The following HPSE2 variants were observed in gnomAD, a reference collection of about 807,000 sequenced individuals.
HPSE2 encodes inactive heparanase-2.
HPSE2 carries 38 observed loss-of-function variants against 60.5 expected under a neutral mutation model. The ratio of observed to expected loss-of-function variants is 0.63; its 90% confidence interval spans 0.48 to 0.82. The LOEUF is 0.82. Ranked by LOEUF, HPSE2 falls within the 40% of genes least tolerant of loss-of-function variation. The probability of loss-of-function intolerance (pLI) is 0.00; values close to 1 mark genes in which losing one functional copy is unlikely to be tolerated. For missense variants in HPSE2, 713 were observed against 740.4 expected, an observed-to-expected ratio of 0.96 and a Z score of 0.43; for synonymous variants, 295 against 293.2, an observed-to-expected ratio of 1.01 and a Z score of -0.06.
At chr10:99,006,771 G>A (rs941084450) in intron 3 of HPSE2, among the ~76,000 whole-genome samples, 6 of 152,222 alleles carry the variant, frequency 3.9e-5, no homozygotes, top group Non-Finnish European at 8.8e-5. Context: ...CCAGCTCAGT[G>A]CTGGTACCAG....
At chr10:99,138,303 T>TGGTTGAAC (rs1018617948) in intron 3 of HPSE2, among the ~76,000 whole-genome samples, 1 of 152,116 alleles carries the variant, frequency 6.6e-6, no homozygotes, top group African/African-American at 2.4e-5. Flanking sequence ...GGAGTGTAAA[T>TGGTTGAAC]TAGTTCAACC....
In HPSE2 at chr10:98,694,589, C is replaced by T. The variant is rs1014919694; in HGVS notation, c.957-642G>A. On this transcript the variant is annotated intron_variant, in intron 5 of 11. Coordinates refer to ENST00000370552, the MANE Select transcript of HPSE2 (RefSeq NM_021828.5). ...TCAAAAGGTAAACCAGACTTGGTTC[C>T]GTGCAGTTAAGCACACATCAAAGCC... Among the ~76,000 whole-genome samples, 8 of 152,124 alleles carry T rather than the reference C, an allele frequency of 5.3e-5. No individual in the cohort carries two copies. In the East Asian group the frequency reaches 1.3e-3, roughly 26 times the overall value.
chr10:99,159,503 ATGAT>A (rs1161496618), intron 2 of HPSE2, among the ~76,000 whole-genome samples: 1 of 152,226 alleles, frequency 6.6e-6, no homozygotes, highest in Non-Finnish European at 1.5e-5. Flanking sequence ...CATAGAAGAA[ATGAT>A]TGTATGTAAA....
chr10:98,543,919 A>G lies in HPSE2; in HGVS notation c.1321-53723T>C, dbSNP rs1434422631. On this transcript the variant is annotated intron_variant, in intron 9 of 11. Coordinates refer to ENST00000370552, the MANE Select transcript of HPSE2 (RefSeq NM_021828.5). Reference sequence around the variant, plus strand: ...CCCACTGTCAACATTAGACAGATCAACAAAGACAGAAAGTTAACAAGGATA... The same window carrying G: ...CCCACTGTCAACATTAGACAGATCAGCAAAGACAGAAAGTTAACAAGGATA... Among the ~76,000 whole-genome samples the G allele has an allele frequency of 2.6e-5, 4 of 151,700 alleles. No individual in the cohort carries two copies. The East Asian group carries it at 5.8e-4, about 22-fold the overall frequency.
rs371230421 is a variant in HPSE2 at position 99,076,159 on chromosome 10, AT to A, written c.610+68078del. On this transcript the variant is annotated intron_variant, in intron 3 of 11. Transcript: ENST00000370552. ...TGCTGTCTTCCCTTGTTTTTCATTGATTTTTTTTTGTATTGATATACTTTGG... is the reference window on the plus strand; with the variant it reads ...TGCTGTCTTCCCTTGTTTTTCATTGATTTTTTTTGTATTGATATACTTTGG... 1.9e-4 allele frequency among the ~76,000 whole-genome samples: 27 copies of A among 145,282 alleles called. No individual in the cohort carries two copies. The South Asian group carries it at 2.2e-3, about 12-fold the overall frequency.
intron 3 of HPSE2, among the ~76,000 whole-genome samples, chr10:98,879,045 A>C (rs1952949129): frequency 6.6e-6 from 1 of 152,072 alleles, no homozygotes; most frequent in Admixed American, 6.6e-5. Context: ...AAGAAGGAGC[A>C]TATTGGGAGG....
chr10:98,763,132 C>T (rs1950043630), intron 3 of HPSE2, among the ~76,000 whole-genome samples: 1 of 150,572 alleles, frequency 6.6e-6, no homozygotes, highest in Non-Finnish European at 1.5e-5. Context: ...AAAGATAAAA[C>T]AGGAGAAATA....
chr10:99,286,171 CA>C, the HPSE2 span, among the ~76,000 whole-genome samples: 1 of 152,030 alleles, frequency 6.6e-6, no homozygotes, highest in African/African-American at 2.4e-5. Flanking sequence ...GGCAGTTCCT[CA>C]AAAAATTAAA....
At chr10:99,180,040 G>T (rs1165276982) in intron 2 of HPSE2, among the ~76,000 whole-genome samples, 1 of 152,132 alleles carries the variant, frequency 6.6e-6, no homozygotes, top group African/African-American at 2.4e-5. Flanking sequence ...AATGGTGTTG[G>T]GAAAACTGGC....
At chr10:98,764,995 A>G (rs534729242) in intron 3 of HPSE2, among the ~76,000 whole-genome samples, 20 of 152,334 alleles carry the variant, frequency 1.3e-4, no homozygotes, top group African/African-American at 4.8e-4. Context: ...TAACAATCCT[A>G]AAAGTACATG....
chr10:99,047,626 T>C, intron 3 of HPSE2: 5 of 684,010 alleles, frequency 7.3e-6, no homozygotes, highest in South Asian at 1.7e-5. Flanking sequence ...GCAGCTCTTT[T>C]CTGGCTGGAA....
At chr10:98,801,944 C>T (rs1372897317) in intron 3 of HPSE2, among the ~76,000 whole-genome samples, 2 of 152,108 alleles carry the variant, frequency 1.3e-5, no homozygotes, top group Non-Finnish European at 2.9e-5. Flanking sequence ...TCAAATTATA[C>T]TACAGAGCTT....
rs1271860095 is a variant in HPSE2 at position 98,671,029 on chromosome 10, T to TA, written c.1004+22870dup. ...TTTCCTCTGAGAATCGTGTTGGTGTTAAAAAAATTTTGGATTTTGGTGCAT... is the reference window on the plus strand; with the variant it reads ...TTTCCTCTGAGAATCGTGTTGGTGTTAAAAAAAATTTTGGATTTTGGTGCAT... On this transcript the variant is annotated intron_variant, in intron 6 of 11. Transcript: ENST00000370552. 5.9e-5 allele frequency among the ~76,000 whole-genome samples: 9 copies of TA among 152,332 alleles called. No homozygotes were observed. In the East Asian group the frequency reaches 1.5e-3, roughly 26 times the overall value.
intron 2 of HPSE2, among the ~76,000 whole-genome samples, chr10:99,201,555 C>T (rs933233239): frequency 3.9e-5 from 6 of 152,104 alleles, no homozygotes; most frequent in Non-Finnish European, 8.8e-5. Flanking sequence ...ATCTCAACCC[C>T]TACAACTTCA....
At chr10:98,762,183 C>T (rs1332078094) in intron 3 of HPSE2, among the ~76,000 whole-genome samples, 1 of 150,992 alleles carries the variant, frequency 6.6e-6, no homozygotes, top group Admixed American at 6.6e-5. Flanking sequence ...AAAAATGGGA[C>T]CTTGTTCCTT....
At chr10:98,739,017 G>A (rs1417113353) in intron 4 of HPSE2, among the ~76,000 whole-genome samples, 1 of 152,154 alleles carries the variant, frequency 6.6e-6, no homozygotes, top group Non-Finnish European at 1.5e-5. Flanking sequence ...AAAGACACAT[G>A]CACACGTATG....
At chr10:98,724,264 G>C (rs1949009070) in intron 4 of HPSE2, among the ~76,000 whole-genome samples, 1 of 152,098 alleles carries the variant, frequency 6.6e-6, no homozygotes, top group South Asian at 2.1e-4. Flanking sequence ...TTTCCATGTA[G>C]TTGAGCGGTT....
At chr10:98,935,668 C>T (rs1008916890) in intron 3 of HPSE2, among the ~76,000 whole-genome samples, 1 of 144,112 alleles carries the variant, frequency 6.9e-6, no homozygotes, top group Non-Finnish European at 1.5e-5. Flanking sequence ...AAGCTTCATC[C>T]CAGAGGGGCA....
Position 99,232,285 on chromosome 10 carries a change from A to G in HPSE2, c.448+63T>C, listed in dbSNP as rs1849679394. 12 of 1,520,098 alleles carry G rather than the reference A, an allele frequency of 7.9e-6. 1 individual carries two copies. The highest frequency in any genetic ancestry group is 1.7e-4 in the Middle Eastern group (1 of 5,880). 94.2% of individuals were successfully genotyped at this position (1,520,098 alleles called of 1,614,324 possible). Reference sequence around the variant, plus strand: ...CACACAGACACACGAACACACAGATACACAAACACAGCGGGTGCTTGCTTC... The same window carrying G: ...CACACAGACACACGAACACACAGATGCACAAACACAGCGGGTGCTTGCTTC... On this transcript the variant is annotated intron_variant, in intron 2 of 11. Coordinates refer to ENST00000370552, the MANE Select transcript of HPSE2 (RefSeq NM_021828.5).
Sources: allele counts gnomAD v4.1 joint callset (sites outside exome capture counted in the v4.1 genomes callset), GRCh38; gene constraint gnomAD v4.1.1; transcripts MANE v1.5; gene names NCBI Gene and HGNC (gene_info 2026-07-23, HGNC 2026-07-21).